Variants in SGIP1 observed in about 807,000 individuals in gnomAD.
SGIP1 encodes SH3-containing GRB2-like protein 3-interacting protein 1.
A neutral mutation model predicts 107.5 loss-of-function variants in SGIP1; 38 were observed. The ratio of observed to expected loss-of-function variants is 0.35; its 90% confidence interval spans 0.27 to 0.46. The LOEUF (loss-of-function observed/expected upper bound fraction) is 0.46, where lower values mean the gene tolerates loss of function less well. Ranked by LOEUF, SGIP1 falls within the 20% of genes least tolerant of loss-of-function variation. SGIP1 has a pLI of 1.00. For missense variants in SGIP1, 929 were observed against 1,019.5 expected (o/e 0.91, Z 1.21); for synonymous variants, 365 against 366.1 (o/e 1.00, Z 0.03).
intron 21 of SGIP1, among the ~76,000 whole-genome samples, chr1:66,736,880 C>A (rs1316834089): frequency 6.6e-6 from 1 of 151,880 alleles, no homozygotes; most frequent in Non-Finnish European, 1.5e-5. Context: ...AGTGAAATAT[C>A]TATAAAATGG....
At chr1:66,534,148 T>C (rs2053016972), upstream of SGIP1, 1 of 609,220 alleles carries the variant, frequency 1.6e-6, no homozygotes. Flanking sequence ...TCCCTTTCTC[T>C]CAGCATCTTC....
intron 1 of SGIP1, among the ~76,000 whole-genome samples, chr1:66,598,163 G>A (rs1200123641): frequency 2.6e-5 from 4 of 152,054 alleles, no homozygotes; most frequent in Non-Finnish European, 4.4e-5. Flanking sequence ...GATAGTAAAG[G>A]GGTCTTTTAG....
chr1:66,684,540 T>A (rs928665081), intron 15 of SGIP1, among the ~76,000 whole-genome samples: 12 of 152,196 alleles, frequency 7.9e-5, no homozygotes, highest in African/African-American at 2.9e-4. Flanking sequence ...GTACTTTTAT[T>A]TTCTATGCAG....
At position 66,717,279 on chromosome 1, in the gene SGIP1, G is replaced by A. The variant is rs528619803; in HGVS notation, c.1631-2015G>A. Among the ~76,000 whole-genome samples the A allele has an allele frequency of 2.0e-5, 3 of 152,256 alleles. No homozygotes were observed. The East Asian group carries it at 5.8e-4, about 29-fold the overall frequency. The stretch of plus-strand genomic sequence containing the variant: ...TTAGAGAAGCCATTCTTCTCCAGAA[G>A]CTGGTAGTTGCTCAATAAACATTTG... On this transcript the variant is annotated intron_variant, in intron 18 of 24. Transcript: ENST00000371037.
intron 1 of SGIP1, chr1:66,590,638 G>C (rs1023233279): frequency 6.6e-6 from 1 of 152,064 alleles, no homozygotes; most frequent in Non-Finnish European, 1.5e-5. Flanking sequence ...CATCTAGATC[G>C]TAGGATATTA....
intron 18 of SGIP1, among the ~76,000 whole-genome samples, chr1:66,716,169 G>A (rs2093229177): frequency 1.3e-5 from 2 of 152,046 alleles, no homozygotes; most frequent in African/African-American, 4.8e-5. Flanking sequence ...ACTTTATTCA[G>A]TTTCATCCAA....
chr1:66,646,072 C>T (rs558855321), intron 7 of SGIP1, among the ~76,000 whole-genome samples: 153 of 152,220 alleles, frequency 1.0e-3, no homozygotes, highest in Non-Finnish European at 1.6e-3. Flanking sequence ...AATTGCTGAC[C>T]TCAGGTGATT....
At chr1:66,667,231 T>A (rs989911943) in intron 8 of SGIP1, among the ~76,000 whole-genome samples, 23 of 152,178 alleles carry the variant, frequency 1.5e-4, no homozygotes, top group South Asian at 4.1e-4. Context: ...CATTAAACAT[T>A]GTCAGTAAAG....
chr1:66,591,143 A>T (rs2063553320), intron 1 of SGIP1, among the ~76,000 whole-genome samples: 1 of 152,220 alleles, frequency 6.6e-6, no homozygotes, highest in Admixed American at 6.5e-5. Flanking sequence ...GAGTGAGAAG[A>T]GGTCTCTGAC....
At chr1:66,718,888 G>A (rs886376480) in intron 18 of SGIP1, among the ~76,000 whole-genome samples, 2 of 152,096 alleles carry the variant, frequency 1.3e-5, no homozygotes, top group African/African-American at 4.8e-5. Context: ...ATGAAGAAAT[G>A]AAAAATGTTT....
intron 18 of SGIP1, among the ~76,000 whole-genome samples, chr1:66,712,137 G>A (rs1460264538): frequency 6.6e-6 from 1 of 152,026 alleles, no homozygotes; most frequent in African/African-American, 2.4e-5. Flanking sequence ...GTGAGATGGT[G>A]GTGCAAATTA....
chr1:66,689,557 G>A (rs530849823), intron 16 of SGIP1, among the ~76,000 whole-genome samples: 1 of 152,198 alleles, frequency 6.6e-6, no homozygotes, highest in Non-Finnish European at 1.5e-5. Context: ...TAGAAAGAGA[G>A]GTGTTTCACA....
At chr1:66,688,462 G>A (rs537547190) in intron 15 of SGIP1, among the ~76,000 whole-genome samples, 2 of 152,252 alleles carry the variant, frequency 1.3e-5, no homozygotes, top group Admixed American at 6.5e-5. Flanking sequence ...TTCAAAAATC[G>A]TCATGGGCAA....
intron 18 of SGIP1, among the ~76,000 whole-genome samples, chr1:66,703,692 T>TTTATATATGATCTATATCATATATA (rs1211133501): frequency 1.9e-4 from 29 of 151,252 alleles, no homozygotes; most frequent in African/African-American, 6.8e-4. Flanking sequence ...CTATATCACA[T>TTTATATATGATCTATATCATATATA]TTATATATGA....
At chr1:66,730,971 A>T (rs2093983123) in intron 20 of SGIP1, among the ~76,000 whole-genome samples, 1 of 152,110 alleles carries the variant, frequency 6.6e-6, no homozygotes, top group Non-Finnish European at 1.5e-5. Context: ...ACCAGCCCCA[A>T]ACTAGTAGCT....
chr1:66,729,520 A>T (rs2093912363), intron 20 of SGIP1, 101 bp downstream of exon 20: 2 of 1,368,092 alleles, frequency 1.5e-6, no homozygotes, highest in Non-Finnish European at 1.0e-6. Flanking sequence ...ACTATAGTGA[A>T]ATTACCACCA....
intron 5 of SGIP1, 135 bp downstream of exon 5, chr1:66,639,968 T>A (rs1300363703): frequency 1.6e-5 from 11 of 676,066 alleles, no homozygotes; most frequent in Non-Finnish European, 1.8e-5. Flanking sequence ...ATATTTAGGA[T>A]GGGGCTAAGA....
At chr1:66,664,071 ATTGT>A (rs2082053415) in intron 8 of SGIP1, among the ~76,000 whole-genome samples, 1 of 152,168 alleles carries the variant, frequency 6.6e-6, no homozygotes, top group Admixed American at 6.5e-5. Flanking sequence ...TTAAAAGTGA[ATTGT>A]TTGTCATGAA....
chr1:66,534,185 G>A lies in SGIP1; in HGVS notation c.-174G>A. On this transcript the variant is annotated 5_prime_UTR_variant, in exon 1 of 25. Transcript: ENST00000371037. ...TGGTAGCCTGCCTGTAGGTGAAGAAGCACCAGCAGCATCCATGGCCTGTCT... is the reference window on the plus strand; with the variant it reads ...TGGTAGCCTGCCTGTAGGTGAAGAAACACCAGCAGCATCCATGGCCTGTCT... 1.5e-6 allele frequency: 1 copy of A among 647,226 alleles called. No individual in the cohort carries two copies. The highest frequency in any genetic ancestry group is 1.8e-5 in the African/African-American group (1 of 55,074). The allele number at this position is 647,226 out of a possible 1,614,324, so 40.1% of individuals were successfully genotyped here.
Sources: allele counts gnomAD v4.1 joint callset (sites outside exome capture counted in the v4.1 genomes callset), GRCh38; gene constraint gnomAD v4.1.1; transcripts MANE v1.5; gene names NCBI Gene and HGNC (gene_info 2026-07-23, HGNC 2026-07-21).